Variants in TBC1D24 observed in about 807,000 individuals in gnomAD.
TBC1D24 encodes the protein Infantile myoclonic epilepsy.
A neutral mutation model predicts 50.7 loss-of-function variants in TBC1D24; 47 were observed. That is an observed-to-expected ratio of 0.93 (90% CI 0.73 to 1.18). TBC1D24 has a LOEUF of 1.18. TBC1D24 is among the 50% of genes most tolerant of loss of function. TBC1D24 has a pLI of 0.00. For missense variants in TBC1D24, 688 were observed against 766.5 expected, an observed-to-expected ratio of 0.90 and a Z score of 1.21; for synonymous variants, 324 against 335.2, an observed-to-expected ratio of 0.97 and a Z score of 0.36.
In TBC1D24 at chr16:2,499,994, AC is replaced by A. The variant is rs113737197; in HGVS notation, c.1302+67del. On this transcript the variant is annotated intron_variant, in intron 6 of 7. Transcript: ENST00000646147. The surrounding 1 kb of genome is among the most constrained non-coding windows in gnomAD (Gnocchi z 4.0). ...CCTGTAGCTGCATCCCTCCAGGAGC[AC>A]CCGCCTGCCCTGGGGACACTGTTGG... 10,095 of 1,437,492 alleles carry A rather than the reference AC, an allele frequency of 7.0e-3. 554 individuals carry two copies. The African/African-American group carries it at 0.12, about 18-fold the overall frequency. The allele number at this position is 1,437,492 out of a possible 1,614,324, so 89.0% of individuals were successfully genotyped here. A position where few individuals can be genotyped will look rare whatever the true frequency, so the allele number is the denominator to read the frequency against.
At chr16:2,497,669 A>G (rs2065755325) in intron 2 of TBC1D24, 41 bp from the exon 3 acceptor site, 1 of 1,533,834 alleles carries the variant, frequency 6.5e-7, no homozygotes, top group Non-Finnish European at 8.7e-7. Flanking sequence ...TGTCTGTTTT[A>G]TTTTTCTTCT....
In TBC1D24 at chr16:2,500,635, G is replaced by A; in HGVS notation, c.1525+145G>A. The stretch of plus-strand genomic sequence containing the variant: ...CAGGCATGATGGGTGGGAGGGGGCT[G>A]GAAGGGAGAGACCAGCCTGGACAGC... On this transcript the variant is annotated intron_variant, in intron 7 of 7. Coordinates refer to ENST00000646147, the MANE Select transcript of TBC1D24 (RefSeq NM_001199107.2). The surrounding 1 kb of genome is among the most constrained non-coding windows in gnomAD (Gnocchi z 8.0). 7.7e-7 allele frequency: 1 copy of A among 1,298,616 alleles called. No individual in the cohort carries two copies. Among genetic ancestry groups the A allele is most frequent in the Non-Finnish European group, 1.0e-6 (1 of 955,340 alleles). 80.4% of individuals were successfully genotyped at this position (1,298,616 alleles called of 1,614,324 possible). A position where few individuals can be genotyped will look rare whatever the true frequency, so the allele number is the denominator to read the frequency against.
chr16:2,490,435 G>A (rs920744849), intron 1 of TBC1D24, among the ~76,000 whole-genome samples: 3 of 152,184 alleles, frequency 2.0e-5, no homozygotes, highest in Non-Finnish European at 2.9e-5. Flanking sequence ...TGTTCATGGC[G>A]AGCAGCGATT....
rs543711978 is a variant in TBC1D24, at chr16:2,499,162, A to T, written c.1143-195A>T. Among the ~76,000 whole-genome samples, 3 of 152,150 alleles carry T rather than the reference A, an allele frequency of 2.0e-5. No homozygotes were observed. Among genetic ancestry groups the T allele is most frequent in the Non-Finnish European group, 4.4e-5 (3 of 68,004 alleles). On this transcript the variant is annotated intron_variant, in intron 4 of 7. Coordinates refer to ENST00000646147, the MANE Select transcript of TBC1D24 (RefSeq NM_001199107.2). The surrounding 1 kb of genome is among the most constrained non-coding windows in gnomAD (Gnocchi z 4.0). ...CAAGGCCTCTCCCCTGAGTCACACC[A>T]GGGCAGGCTGTCCTGGGGATGGCAG...
rs1265257248 is a variant in TBC1D24 at position 2,475,698 on chromosome 16, C to T, written c.-116+528C>T. Among the ~76,000 whole-genome samples, 1 of 151,052 alleles carries T rather than the reference C, an allele frequency of 6.6e-6. No homozygotes were observed. The highest frequency in any genetic ancestry group is 1.5e-5 in the Non-Finnish European group (1 of 67,952). On this transcript the variant is annotated intron_variant, in intron 1 of 7. Transcript: ENST00000646147. This position sits in a 1 kb window ranked among gnomAD's most constrained non-coding sequence, Gnocchi z 4.2. ...CCCGGCCCTGTCCAGTGGGGGGCCC[C>T]TCTGGGTGCGCCGTGCCAGGCGGCC...
Position 2,499,811 on chromosome 16 carries a change from G to A in TBC1D24, c.1207-24G>A, listed in dbSNP as rs766293463. On this transcript the variant is annotated intron_variant, in intron 5 of 7. Coordinates refer to ENST00000646147, the MANE Select transcript of TBC1D24 (RefSeq NM_001199107.2). This position sits in a 1 kb window ranked among gnomAD's most constrained non-coding sequence, Gnocchi z 4.0. ...ACGCTCCTGGGGGCCTGCGGGCACAGCCTCACCCAGACCTTTCCCCCAGGT... is the reference window on the plus strand; with the variant it reads ...ACGCTCCTGGGGGCCTGCGGGCACAACCTCACCCAGACCTTTCCCCCAGGT... The A allele has an allele frequency of 2.5e-6, 4 of 1,606,576 alleles. No homozygotes were observed. The highest frequency in any genetic ancestry group is 2.6e-6 in the Non-Finnish European group (3 of 1,173,184).
intron 1 of TBC1D24, chr16:2,477,389 A>G (rs2065577228): frequency 6.6e-6 from 1 of 152,186 alleles, no homozygotes; most frequent in Admixed American, 6.5e-5. Context: ...CTTGGGCAAC[A>G]TAGGGAGGTC....
Position 2,500,847 on chromosome 16 carries a change from C to G in TBC1D24, c.1569C>G (p.Asn523Lys). The G allele has an allele frequency of 6.2e-7, 1 of 1,609,700 alleles. No individual in the cohort carries two copies. The highest frequency in any genetic ancestry group is 8.5e-7 in the Non-Finnish European group (1 of 1,179,878). Residue 523 changes from asparagine (N) to lysine (K), a missense_variant, in exon 8 of 8, where the codon AAC (asparagine) becomes AAG (lysine). Asn to Lys is a moderately conservative substitution (Grantham distance 94). Transcript: ENST00000646147. The surrounding 1 kb of genome is among the most constrained non-coding windows in gnomAD (Gnocchi z 8.0). ...CGCTCTACATCGATGGGGACCTGAACCGGGGCCGCACAAGCCACTGCGACA... is the reference window on the plus strand; with the variant it reads ...CGCTCTACATCGATGGGGACCTGAAGCGGGGCCGCACAAGCCACTGCGACA... ...GQALYIDGDLNRGRTSHCDTF... is the reference protein window; with the variant it reads ...GQALYIDGDLKRGRTSHCDTF...
In TBC1D24 at chr16:2,487,421, C is replaced by T. The variant is rs990933675; in HGVS notation, c.-115-8613C>T. 1.3e-5 allele frequency among the ~76,000 whole-genome samples: 2 copies of T among 152,200 alleles called. No homozygotes were observed. Among genetic ancestry groups the T allele is most frequent in the African/African-American group, 2.4e-5 (1 of 41,452 alleles). On this transcript the variant is annotated intron_variant, in intron 1 of 7. Coordinates refer to ENST00000646147, the MANE Select transcript of TBC1D24 (RefSeq NM_001199107.2). The surrounding 1 kb of genome is among the most constrained non-coding windows in gnomAD (Gnocchi z 4.1). ...GGAGCGGTCCCCAGGAAGGGAGGCA[C>T]GGTGTCGGGGTTGGTGTTGGCCGTG...
Position 2,496,113 on chromosome 16 carries a change from G to A in TBC1D24, c.-36G>A, listed in dbSNP as rs754720137. 20 of 1,612,470 alleles carry A rather than the reference G, an allele frequency of 1.2e-5. No homozygotes were observed. Among genetic ancestry groups the A allele is most frequent in the Middle Eastern group, 1.6e-4 (1 of 6,068 alleles). ...TTTAGCCACTCTGTCCTCCCCTTCC[G>A]GCAGTCCAGGGCCTCCTCCCGAGCA... On this transcript the variant is annotated 5_prime_UTR_variant, in exon 2 of 8. Transcript: ENST00000646147.
intron 4 of TBC1D24, 84 bp downstream of exon 4, chr16:2,498,480 C>T (rs1292391680): frequency 1.5e-6 from 2 of 1,339,348 alleles, no homozygotes; most frequent in East Asian, 5.0e-5. Context: ...GGCCTCAAAC[C>T]TCGGCACCTG....
intron 2 of TBC1D24, among the ~76,000 whole-genome samples, 193 bp from the exon 3 acceptor site, chr16:2,497,517 A>G (rs527542225): frequency 6.6e-6 from 1 of 152,340 alleles, no homozygotes; most frequent in African/African-American, 2.4e-5. Context: ...GAGCAGGGTC[A>G]GGAGTTCATG....
intron 3 of TBC1D24, 29 bp from the exon 4 acceptor site, chr16:2,498,209 G>A (rs769659746): frequency 5.7e-6 from 9 of 1,576,346 alleles, no homozygotes; most frequent in Admixed American, 3.6e-5. Flanking sequence ...ACGTGCCTTC[G>A]GGCTCTGACC....
At chr16:2,497,774 A>C in intron 3 of TBC1D24, 47 bp downstream of exon 3, 1 of 1,530,156 alleles carries the variant, frequency 6.5e-7, no homozygotes, top group Non-Finnish European at 8.8e-7. Flanking sequence ...TCTTTCCACC[A>C]GGCTGACTCT....
chr16:2,499,070 G>C lies in TBC1D24; in HGVS notation c.1143-287G>C, dbSNP rs375875702. 1.2e-4 allele frequency among the ~76,000 whole-genome samples: 19 copies of C among 152,332 alleles called. No individual in the cohort carries two copies. The highest frequency in any genetic ancestry group is 4.6e-4 in the African/African-American group (19 of 41,582). On this transcript the variant is annotated intron_variant, in intron 4 of 7. Transcript: ENST00000646147. This position sits in a 1 kb window ranked among gnomAD's most constrained non-coding sequence, Gnocchi z 4.0. Reference sequence around the variant, plus strand: ...ATGGCCCAAACCTCCCCACCGCAGGGACCTGTTCCTCTGGTTCCTGCTTCC... The same window carrying C: ...ATGGCCCAAACCTCCCCACCGCAGGCACCTGTTCCTCTGGTTCCTGCTTCC...
At position 2,486,268 on chromosome 16, in the gene TBC1D24, G is replaced by T. The variant is rs1596958584; in HGVS notation, c.-115-9766G>T. ...CACCTCCTTCCTGTGGTCCCTAGCTGCGGGCGTTGGCGTTCCCCACCCATG... is the reference window on the plus strand; with the variant it reads ...CACCTCCTTCCTGTGGTCCCTAGCTTCGGGCGTTGGCGTTCCCCACCCATG... On this transcript the variant is annotated intron_variant, in intron 1 of 7. Coordinates refer to ENST00000646147, the MANE Select transcript of TBC1D24 (RefSeq NM_001199107.2). The surrounding 1 kb of genome is among the most constrained non-coding windows in gnomAD (Gnocchi z 5.8). Among the ~76,000 whole-genome samples, 1 of 152,218 alleles carries T rather than the reference G, an allele frequency of 6.6e-6. No individual in the cohort carries two copies. The highest frequency in any genetic ancestry group is 1.9e-4 in the East Asian group (1 of 5,198).
In TBC1D24 at chr16:2,500,492, T is replaced by A; in HGVS notation, c.1525+2T>A. ...GGGGCAGCGACTGCCTCATCGTCGG[T>A]GAGCGCCAGCAGACGGGGCTCTGGG... On this transcript the variant is annotated splice_donor_variant, in intron 7 of 7. Coordinates refer to ENST00000646147, the MANE Select transcript of TBC1D24 (RefSeq NM_001199107.2). LOFTEE classifies it high-confidence loss of function. This position sits in a 1 kb window ranked among gnomAD's most constrained non-coding sequence, Gnocchi z 8.0. The A allele has an allele frequency of 6.4e-7, 1 of 1,557,488 alleles. No individual in the cohort carries two copies. The highest frequency in any genetic ancestry group is 2.4e-5 in the East Asian group (1 of 41,594).
chr16:2,487,398 A>G lies in TBC1D24; in HGVS notation c.-115-8636A>G, dbSNP rs374432541. The stretch of plus-strand genomic sequence containing the variant: ...CACGTTTGCTGTGACCTGGGACAGG[A>G]GCGGTCCCCAGGAAGGGAGGCACGG... On this transcript the variant is annotated intron_variant, in intron 1 of 7. Transcript: ENST00000646147. This position sits in a 1 kb window ranked among gnomAD's most constrained non-coding sequence, Gnocchi z 4.1. Among the ~76,000 whole-genome samples, 238 of 152,300 alleles carry G rather than the reference A, an allele frequency of 1.6e-3. No homozygotes were observed. The highest frequency in any genetic ancestry group is 4.6e-3 in the African/African-American group (191 of 41,570).
Position 2,500,258 on chromosome 16 carries a change from T to C in TBC1D24, c.1303-10T>C. 6.3e-7 allele frequency: 1 copy of C among 1,592,650 alleles called. No homozygotes were observed. The highest frequency in any genetic ancestry group is 1.3e-5 in the African/African-American group (1 of 74,266). On this transcript the variant is annotated splice_polypyrimidine_tract_variant and intron_variant, in intron 6 of 7. Transcript: ENST00000646147. The surrounding 1 kb of genome is among the most constrained non-coding windows in gnomAD (Gnocchi z 8.0). ...CCGCGCCAGCTCCTCACACTCCCCT[T>C]CCACCCCAGCTGCAGCCTGAGGTGC...
Sources: gnomAD v4.1 joint callset for allele counts (sites outside exome capture counted in the v4.1 genomes callset) on GRCh38, gnomAD v4.1.1 for gene constraint, Gnocchi (gnomAD v3.1) non-coding constraint, MANE v1.5 for transcripts, NCBI Gene and HGNC (gene_info 2026-07-23, HGNC 2026-07-21) for gene names.